CUBN: variants seen among roughly 807,000 people sequenced by gnomAD.
The protein encoded by CUBN is 460 kDa receptor.
In CUBN, 282 loss-of-function variants were observed where a neutral mutation model predicts 405.3. The ratio of observed to expected loss-of-function variants is 0.70; its 90% CI spans 0.63 to 0.77. The LOEUF (loss-of-function observed/expected upper bound fraction) is 0.77, where lower values mean the gene tolerates loss of function less well. Among genes scored for constraint, CUBN ranks in the 30% least tolerant of loss-of-function variants. The probability of loss-of-function intolerance (pLI) is 0.00; values close to 1 mark genes in which losing one functional copy is unlikely to be tolerated. For synonymous variants in CUBN, 1,684 were observed against 1,617.0 expected, an observed-to-expected ratio of 1.04 and a Z score of -0.99; for missense variants, 4,514 against 4,475.2, an observed-to-expected ratio of 1.01 and a Z score of -0.25.
intron 51 of CUBN, among the ~76,000 whole-genome samples, chr10:16,902,386 G>A (rs1588634323): frequency 6.8e-6 from 1 of 146,504 alleles, no homozygotes; most frequent in Non-Finnish European, 1.5e-5. Flanking sequence ...TAAAATAAAT[G>A]AAATTAAATA....
intron 36 of CUBN, among the ~76,000 whole-genome samples, chr10:16,942,216 C>G (rs1217290378): frequency 6.6e-6 from 1 of 152,180 alleles, no homozygotes; most frequent in Non-Finnish European, 1.5e-5. Flanking sequence ...CCTCGTGGGA[C>G]TGCATACTGA....
At chr10:17,030,368 G>A (rs1420262980) in intron 27 of CUBN, among the ~76,000 whole-genome samples, 1 of 149,330 alleles carries the variant, frequency 6.7e-6, no homozygotes, top group East Asian at 2.0e-4. Context: ...CTGCTTCAGA[G>A]CACAAAAAAA....
chr10:16,971,464 T>C (rs1832931817), intron 31 of CUBN, among the ~76,000 whole-genome samples: 1 of 152,198 alleles, frequency 6.6e-6, no homozygotes, highest in Admixed American at 6.5e-5. Flanking sequence ...ATTTGGCAAA[T>C]ATATAGCAGA....
rs1841989690 is a variant in CUBN at position 16,920,044 on chromosome 10, C to A, written c.6740G>T (p.Cys2247Phe). The change falls in exon 44 of 67, where the codon TGC becomes TTC. Residue 2247 changes from cysteine (C) to phenylalanine (F), a missense_variant. Coordinates refer to ENST00000377833, the MANE Select transcript of CUBN (RefSeq NM_001081.4). ...HPHNYPPHAD[C>F]IWILAAPPET... ...CGGTGGAGCCGCTAAGATCCAAATG[C>A]AATCAGCGTGCGGGGGATAATTATG... is the stretch of plus-strand genomic sequence containing the variant. The A allele has an allele frequency of 6.2e-7, 1 of 1,613,876 alleles. No individual in the cohort carries two copies. The highest frequency in any genetic ancestry group is 1.3e-5 in the African/African-American group (1 of 74,894).
Position 17,088,343 on chromosome 10 carries a change from A to C in CUBN, c.1768T>G (p.Cys590Gly), listed in dbSNP as rs1351877209. The C allele has an allele frequency of 6.8e-6, 11 of 1,607,588 alleles. No homozygotes were observed. Among genetic ancestry groups the C allele is most frequent in the Non-Finnish European group, 9.4e-6 (11 of 1,174,158 alleles). ...TAAGGACCAGTCAGGATACCTCCAC[A>C]CTCTAAAATAAGAGGGAAAAATAAT... Reference protein sequence around the residue: ...TVRWETQQPECGGILTGPYGS... With the variant: ...TVRWETQQPEGGGILTGPYGS... The change falls in exon 15 of 67, where the codon TGT (cysteine) becomes GGT (glycine). Residue 590 changes from cysteine (C) to glycine (G), a missense_variant and splice_region_variant. Coordinates refer to ENST00000377833, the MANE Select transcript of CUBN (RefSeq NM_001081.4).
chr10:16,948,547 G>A lies in CUBN; in HGVS notation c.5140C>T (p.Leu1714=), dbSNP rs1373986927. 1.1e-5 allele frequency: 17 copies of A among 1,613,966 alleles called. No homozygotes were observed. Among genetic ancestry groups the A allele is most frequent in the Non-Finnish European group, 1.4e-5 (17 of 1,179,980 alleles). The change falls in exon 35 of 67, where the codon CTG becomes TTG. Residue 1714 remains leucine (L), a synonymous_variant. Transcript: ENST00000377833. ...ATGCTAGAATCAGAGACGAATCTCA[G>A]CGTCAGGGCGCTGCTGAAGGATGTG... The part of the protein sequence containing the change: ...PITSFSSALT[L]RFVSDSSISA...
At chr10:16,890,305 C>T (rs1183316813) in intron 55 of CUBN, 66 bp downstream of exon 55, 17 of 1,563,988 alleles carry the variant, frequency 1.1e-5, no homozygotes, top group Non-Finnish European at 1.4e-5. Context: ...GTTTAGCCAA[C>T]CCTGCCTGCC....
At chr10:16,852,134 T>C (rs1253840956) in intron 59 of CUBN, among the ~76,000 whole-genome samples, 1 of 116,932 alleles carries the variant, frequency 8.6e-6, no homozygotes, top group African/African-American at 3.3e-5. Flanking sequence ...CCTCCCTCCA[T>C]CTTTCCCTCC....
chr10:17,038,850 G>T (rs542978721), intron 27 of CUBN, among the ~76,000 whole-genome samples: 1 of 152,266 alleles, frequency 6.6e-6, no homozygotes, highest in South Asian at 2.1e-4. Context: ...TGAACTTCTG[G>T]TTCTCATTTT....
In CUBN at chr10:17,003,357, G is replaced by C. The variant is rs144671190; in HGVS notation, c.4169-12842C>G. Among the ~76,000 whole-genome samples, 66 of 152,288 alleles carry C rather than the reference G, an allele frequency of 4.3e-4. No individual in the cohort carries two copies. The East Asian group carries it at 0.011, about 25-fold the overall frequency. ...CTGCGCCTGAGATTAGAACCAGACA[G>C]TGTGATTCACAGCCCAGCCCTGTGA... On this transcript the variant is annotated intron_variant, in intron 28 of 66. Transcript: ENST00000377833.
At chr10:16,981,647 C>G (rs1251402764) in intron 31 of CUBN, among the ~76,000 whole-genome samples, 2 of 152,158 alleles carry the variant, frequency 1.3e-5, no homozygotes, top group African/African-American at 4.8e-5. Context: ...GGGCCGTGCA[C>G]AGAGCCTGCT....
chr10:17,080,338 T>G (rs1041061456), intron 17 of CUBN, among the ~76,000 whole-genome samples: 2 of 152,208 alleles, frequency 1.3e-5, no homozygotes, highest in African/African-American at 4.8e-5. Flanking sequence ...GTCTAAAATA[T>G]GATGAATTAG....
At position 16,954,433 on chromosome 10, in the gene CUBN, C is replaced by A. The variant is rs751110627; in HGVS notation, c.4811G>T (p.Gly1604Val). The A allele has an allele frequency of 2.9e-5, 46 of 1,614,002 alleles. No homozygotes were observed. The highest frequency in any genetic ancestry group is 4.4e-5 in the South Asian group (4 of 91,082). ...GAAGCCTCTGTTCTGTCTGGAAGGG[C>A]CAGACTGAAATCTCAAGAAGAGGCT... ...GNSLFLRFQS[G>V]PSRQNRGFRA... The change falls in exon 32 of 67, where the codon GGC becomes GTC. Residue 1604 changes from glycine to valine, a missense_variant. Gly to Val is a moderately radical substitution (Grantham distance 109). Transcript: ENST00000377833.
At position 17,033,022 on chromosome 10, in the gene CUBN, T is replaced by C. The variant is rs1280731855; in HGVS notation, c.4017+8011A>G. ...TTCTCTCTCCCTTGGCCTATAGCAA[T>C]CCCCTTACTGGGTCTCCACCGTTAC... On this transcript the variant is annotated intron_variant, in intron 27 of 66. Coordinates refer to ENST00000377833, the MANE Select transcript of CUBN (RefSeq NM_001081.4). Among the ~76,000 whole-genome samples the C allele has an allele frequency of 3.9e-5, 6 of 152,158 alleles. No individual in the cohort carries two copies. In the East Asian group the frequency reaches 1.2e-3, roughly 29 times the overall value.
At chr10:16,972,371 A>C (rs1020382170) in intron 31 of CUBN, among the ~76,000 whole-genome samples, 1 of 152,116 alleles carries the variant, frequency 6.6e-6, no homozygotes, top group African/African-American at 2.4e-5. Flanking sequence ...ATAATATTTA[A>C]ACCCAAAAGT....
intron 25 of CUBN, among the ~76,000 whole-genome samples, chr10:17,044,587 T>C (rs900848394): frequency 1.3e-5 from 2 of 152,164 alleles, no homozygotes; most frequent in African/African-American, 2.4e-5. Context: ...AATACATTTT[T>C]ATTTAGATTT....
At chr10:16,976,359 T>C (rs1250046409) in intron 31 of CUBN, among the ~76,000 whole-genome samples, 1 of 152,164 alleles carries the variant, frequency 6.6e-6, no homozygotes, top group Admixed American at 6.5e-5. Flanking sequence ...TATATCAGTC[T>C]ATTGTCTTTA....
At chr10:16,838,142 T>C (rs1839229584) in intron 62 of CUBN, among the ~76,000 whole-genome samples, 1 of 152,200 alleles carries the variant, frequency 6.6e-6, no homozygotes, top group Admixed American at 6.5e-5. Context: ...TCAGCATATA[T>C]GCTTTGCACC....
intron 31 of CUBN, among the ~76,000 whole-genome samples, chr10:16,955,198 C>T (rs1051298128): frequency 4.6e-5 from 7 of 151,450 alleles, no homozygotes; most frequent in Non-Finnish European, 7.4e-5. Flanking sequence ...TGGCGAGACC[C>T]CCGTCTCTAA....
Sources: gnomAD v4.1 joint callset for allele counts (sites outside exome capture counted in the v4.1 genomes callset) on GRCh38, gnomAD v4.1.1 for gene constraint, MANE v1.5 for transcripts, NCBI Gene and HGNC (gene_info 2026-07-23, HGNC 2026-07-21) for gene names.